Variants in MYH11 observed in about 807,000 individuals in gnomAD.
MYH11 encodes myosin-11.
In MYH11, 80 loss-of-function variants were observed where a neutral mutation model predicts 246.6. That is an observed-to-expected ratio of 0.32 (90% confidence interval 0.27 to 0.39). The LOEUF is 0.39. MYH11 is among the 10% of genes least tolerant of loss of function. MYH11 has a pLI of 1.00. For synonymous variants in MYH11, 1,071 were observed against 1,015.5 expected (o/e 1.05, Z -1.04); for missense variants, 2,158 against 2,546.8 (o/e 0.85, Z 3.29).
chr16:15,744,670 T>C (rs535811436), intron 20 of MYH11, among the ~76,000 whole-genome samples: 1 of 152,048 alleles, frequency 6.6e-6, no homozygotes, highest in African/African-American at 2.4e-5. Context: ...ACCCAGCTAA[T>C]TTTTGTATTT....
chr16:15,829,515 CACCTCG>C (rs1369334936), intron 2 of MYH11, among the ~76,000 whole-genome samples: 1 of 152,180 alleles, frequency 6.6e-6, no homozygotes, highest in Non-Finnish European at 1.5e-5. Context: ...ACTTCTCCTT[CACCTCG>C]ACCCAGCCCA....
chr16:15,837,995 C>T lies in MYH11; in HGVS notation c.258G>A (p.Lys86=), dbSNP rs2043946477. The part of the protein sequence containing the change: ...IQKMNPPKFS[K]VEDMAELTCL... ...ACGTCAGCTCCGCCATGTCCTCCAC[C>T]TTGGAGAACTTGGGTGGGTTCATCT... Residue 86 remains lysine (K), a synonymous_variant, in exon 2 of 41, where the codon AAG becomes AAA. Transcript: ENST00000300036. 2 of 1,614,180 alleles carry T rather than the reference C, an allele frequency of 1.2e-6. No individual in the cohort carries two copies. The highest frequency in any genetic ancestry group is 2.2e-5 in the East Asian group (1 of 44,886).
chr16:15,760,411 T>C (rs2041841901), intron 11 of MYH11, 129 bp downstream of exon 11: 1 of 800,306 alleles, frequency 1.2e-6, no homozygotes, highest in African/African-American at 1.7e-5. Context: ...GATGGATGGA[T>C]GGACAGATGC....
At chr16:15,756,171 T>C (rs1390735913) in intron 14 of MYH11, among the ~76,000 whole-genome samples, 170 bp downstream of exon 14, 1 of 152,202 alleles carries the variant, frequency 6.6e-6, no homozygotes, top group Non-Finnish European at 1.5e-5. Context: ...GCTGATGCCT[T>C]ACAGATGCGT....
intron 20 of MYH11, 181 bp from the exon 21 acceptor site, chr16:15,742,072 G>T (rs2041291014): frequency 1.2e-6 from 1 of 868,590 alleles, no homozygotes; most frequent in Non-Finnish European, 1.8e-6. Flanking sequence ...CTGGCATCCA[G>T]TGGGTAGAGG....
rs184538505 is a variant in MYH11, at chr16:15,831,031, G to A, written c.345+6877C>T. 6.6e-5 allele frequency among the ~76,000 whole-genome samples: 10 copies of A among 152,274 alleles called. No individual in the cohort carries two copies. The East Asian group carries it at 1.7e-3, about 26-fold the overall frequency. On this transcript the variant is annotated intron_variant, in intron 2 of 40. Transcript: ENST00000300036. ...TACTAAAAATACAAAAATCAGCTGG[G>A]TGTGGTAGTACACGCCTGTAGTCTC...
At position 15,848,621 on chromosome 16, in the gene MYH11, C is replaced by T. The variant is rs1004457445; in HGVS notation, c.-18+8320G>A. 2.0e-5 allele frequency among the ~76,000 whole-genome samples: 3 copies of T among 152,136 alleles called. No individual in the cohort carries two copies. The South Asian group carries it at 6.2e-4, about 31-fold the overall frequency. On this transcript the variant is annotated intron_variant, in intron 1 of 40. Coordinates refer to ENST00000300036, the MANE Select transcript of MYH11 (RefSeq NM_002474.3). ...GCATTGTGGGATGTTCCGCAGCATC[C>T]CTGGTCTCTGCCCACCTGATGCCAG...
At position 15,763,881 on chromosome 16, in the gene MYH11, C is replaced by T. The variant is rs750163719; in HGVS notation, c.1044G>A (p.Lys348=). Residue 348 remains lysine (K), a synonymous_variant, in exon 10 of 41, where the codon AAG becomes AAA. Coordinates refer to ENST00000300036, the MANE Select transcript of MYH11 (RefSeq NM_002474.3). ...FSEEEQLSIL[K]VVSSVLQLGN... is the part of the protein sequence containing the mutation. ...CAAGCTGCAGGACCGATGATACCACCTTCAATATGGCTGAGGTGGGGAGAG... is the reference window on the plus strand; with the variant it reads ...CAAGCTGCAGGACCGATGATACCACTTTCAATATGGCTGAGGTGGGGAGAG... 3.1e-6 allele frequency: 5 copies of T among 1,613,306 alleles called. No individual in the cohort carries two copies. In the Admixed American group the frequency reaches 8.3e-5, roughly 27 times the overall value.
intron 27 of MYH11, 57 bp downstream of exon 27, chr16:15,732,507 G>A (rs1223223811): frequency 6.2e-7 from 1 of 1,612,612 alleles, no homozygotes; most frequent in African/African-American, 1.3e-5. Context: ...AGTAATTTGA[G>A]GCTGCTGATG....
intron 2 of MYH11, among the ~76,000 whole-genome samples, chr16:15,834,451 G>A (rs9925792): frequency 1.3e-5 from 2 of 151,602 alleles, no homozygotes; most frequent in African/African-American, 2.4e-5. Context: ...ACTTCAACCC[G>A]GGAGGTGGAG....
chr16:15,811,795 G>A (rs979353619), intron 3 of MYH11, among the ~76,000 whole-genome samples: 2 of 152,170 alleles, frequency 1.3e-5, no homozygotes, highest in African/African-American at 2.4e-5. Flanking sequence ...AGAGCCCCAA[G>A]CTGATAAAGG....
intron 28 of MYH11, 117 bp downstream of exon 28, chr16:15,726,731 A>T: frequency 8.3e-7 from 1 of 1,201,726 alleles, no homozygotes; most frequent in Non-Finnish European, 1.2e-6. Flanking sequence ...GAACGCAACT[A>T]GAGGAAAGGA....
intron 4 of MYH11, among the ~76,000 whole-genome samples, chr16:15,794,892 G>T (rs1011892517): frequency 6.6e-6 from 1 of 152,246 alleles, no homozygotes. Flanking sequence ...GAAGAGGGAA[G>T]AGCAGATCAC....
At chr16:15,854,437 A>G (rs2044409517) in intron 1 of MYH11, among the ~76,000 whole-genome samples, 1 of 152,186 alleles carries the variant, frequency 6.6e-6, no homozygotes, top group Non-Finnish European at 1.5e-5. Flanking sequence ...TCTTTTCCTT[A>G]CTGGTTAGCT....
At chr16:15,717,978 A>AT (rs2040254875) in intron 37 of MYH11, 3 of 410,364 alleles carry the variant, frequency 7.3e-6, no homozygotes, top group Non-Finnish European at 1.4e-5. Context: ...TGACATCACC[A>AT]AGGGCTCACT....
chr16:15,756,274 T>C lies in MYH11; in HGVS notation c.1749+67A>G, dbSNP rs923485564. On this transcript the variant is annotated intron_variant, in intron 14 of 40. Coordinates refer to ENST00000300036, the MANE Select transcript of MYH11 (RefSeq NM_002474.3). ...GCCCAAGGTTCTGCCACTCTCAGAC[T>C]GTCTCTGCGCTGAGCAGCCACTGGG... 10 of 1,567,492 alleles carry C rather than the reference T, an allele frequency of 6.4e-6. No homozygotes were observed. The South Asian group carries it at 9.0e-5, about 14-fold the overall frequency.
At chr16:15,815,387 A>G (rs1050553949) in intron 3 of MYH11, among the ~76,000 whole-genome samples, 4 of 152,240 alleles carry the variant, frequency 2.6e-5, no homozygotes, top group African/African-American at 7.2e-5. Flanking sequence ...AAAATAAAAT[A>G]GAATTTTTGG....
chr16:15,714,863 T>C (rs1462996078), intron 40 of MYH11, 46 bp downstream of exon 40: 2 of 1,610,514 alleles, frequency 1.2e-6, no homozygotes, highest in Admixed American at 3.3e-5. Context: ...CCAGTGCTTT[T>C]CTCTGGCCTG....
chr16:15,770,659 C>T (rs2042079842), intron 9 of MYH11, among the ~76,000 whole-genome samples: 1 of 152,174 alleles, frequency 6.6e-6, no homozygotes, highest in East Asian at 1.9e-4. Flanking sequence ...AACATCTCTA[C>T]CTTCAGCTCC....
Sources: allele counts gnomAD v4.1 joint callset (sites outside exome capture counted in the v4.1 genomes callset), GRCh38; gene constraint gnomAD v4.1.1; transcripts MANE v1.5; gene names NCBI Gene and HGNC (gene_info 2026-07-23, HGNC 2026-07-21).